Variants in ZNF462 observed in about 807,000 individuals in gnomAD.
The protein encoded by ZNF462 is zinc finger protein 462, also known as zinc finger PBX1-interacting protein.
In ZNF462, 10 loss-of-function variants were observed where a neutral mutation model predicts 201.9. The observed-to-expected ratio is 0.05, with a 90% CI of 0.03 to 0.08. ZNF462 has a LOEUF of 0.08. Ranked by LOEUF, ZNF462 falls within the 10% of genes least tolerant of loss-of-function variation. The pLI is 1.00. For synonymous variants in ZNF462, 1,227 were observed against 1,193.3 expected (o/e 1.03, Z -0.58); for missense variants, 2,523 against 3,168.3 (o/e 0.80, Z 4.89).
chr9:106,915,677 G>A (rs1829743046), intron 1 of ZNF462, among the ~76,000 whole-genome samples: 1 of 152,194 alleles, frequency 6.6e-6, no homozygotes, highest in African/African-American at 2.4e-5. Flanking sequence ...TCTGCTACAG[G>A]CAGAAGTCAA....
In ZNF462 at chr9:107,010,209, A is replaced by G. The variant is rs1025042794; in HGVS notation, c.7313+541A>G. 1.3e-5 allele frequency among the ~76,000 whole-genome samples: 2 copies of G among 152,124 alleles called. No homozygotes were observed. The highest frequency in any genetic ancestry group is 4.8e-5 in the African/African-American group (2 of 41,434). On this transcript the variant is annotated intron_variant, in intron 12 of 12. Coordinates refer to ENST00000277225, the MANE Select transcript of ZNF462 (RefSeq NM_021224.6). This position sits in a 1 kb window ranked among gnomAD's most constrained non-coding sequence, Gnocchi z 4.6. The stretch of plus-strand genomic sequence containing the variant: ...AGTCCACCAGATGCAGAGAGAACCT[A>G]GGATGTGGTCTTTTCAGGAGGAAAC...
In ZNF462 at chr9:106,972,659, C is replaced by T. The variant is rs1000672385; in HGVS notation, c.6695+387C>T. Among the ~76,000 whole-genome samples, 4 of 152,062 alleles carry T rather than the reference C, an allele frequency of 2.6e-5. No individual in the cohort carries two copies. The highest frequency in any genetic ancestry group is 2.1e-4 in the South Asian group (1 of 4,820). ...AAAGTCAAAGTCAAGAGAAAACATC[C>T]GGCAGTAGTGTCTTCCCTGCTCCCC... is the stretch of plus-strand genomic sequence containing the variant. On this transcript the variant is annotated intron_variant, in intron 8 of 12. Coordinates refer to ENST00000277225, the MANE Select transcript of ZNF462 (RefSeq NM_021224.6). This position sits in a 1 kb window ranked among gnomAD's most constrained non-coding sequence, Gnocchi z 4.8.
chr9:106,926,479 G>A lies in ZNF462; in HGVS notation c.2567G>A (p.Arg856Gln). The A allele has an allele frequency of 6.2e-7, 1 of 1,614,056 alleles. No homozygotes were observed. The highest frequency in any genetic ancestry group is 8.5e-7 in the Non-Finnish European group (1 of 1,180,014). ...KHCDFNNKSA[R>Q]SVSTHYQRMH... Reference sequence around the variant, plus strand: ...TGTGACTTTAACAACAAATCTGCCCGGAGTGTTAGCACCCACTACCAACGA... The same window carrying A: ...TGTGACTTTAACAACAAATCTGCCCAGAGTGTTAGCACCCACTACCAACGA... Residue 856 changes from arginine to glutamine, a missense_variant, in exon 3 of 13, where the codon CGG becomes CAG. Around this residue, in one of 15 missense-constraint regions of ZNF462, gnomAD observed 11 missense variants for 41.0 expected, o/e 0.27. Transcript: ENST00000277225. This position sits in a 1 kb window ranked among gnomAD's most constrained non-coding sequence, Gnocchi z 7.9.
At chr9:106,912,203 G>T (rs1588042740) in intron 1 of ZNF462, among the ~76,000 whole-genome samples, 1 of 152,136 alleles carries the variant, frequency 6.6e-6, no homozygotes, top group East Asian at 1.9e-4. Context: ...TGTTTCTCGT[G>T]GGGTAGATTT....
At chr9:106,969,687 T>C (rs1826490842) in intron 7 of ZNF462, among the ~76,000 whole-genome samples, 1 of 152,270 alleles carries the variant, frequency 6.6e-6, no homozygotes, top group Admixed American at 6.5e-5. Flanking sequence ...GGGATGTGCC[T>C]TGTTATGGAG....
chr9:106,994,730 A>G (rs904912264), intron 10 of ZNF462, among the ~76,000 whole-genome samples: 5 of 152,126 alleles, frequency 3.3e-5, no homozygotes, highest in Admixed American at 2.6e-4. Flanking sequence ...ACCGTTTTTC[A>G]GAGGGGTGTG....
Position 106,984,118 on chromosome 9 carries a change from C to T in ZNF462, c.6833-68C>T, listed in dbSNP as rs1006562457. Reference sequence around the variant, plus strand: ...GATTGGGTGAGTTTCTTCTTGTATTCCAAAGAAAGAACTTCTGTTTTGCCA... The same window carrying T: ...GATTGGGTGAGTTTCTTCTTGTATTTCAAAGAAAGAACTTCTGTTTTGCCA... On this transcript the variant is annotated intron_variant, in intron 9 of 12. Coordinates refer to ENST00000277225, the MANE Select transcript of ZNF462 (RefSeq NM_021224.6). This position sits in a 1 kb window ranked among gnomAD's most constrained non-coding sequence, Gnocchi z 6.4. 1.4e-6 allele frequency: 2 copies of T among 1,453,146 alleles called. No homozygotes were observed. Among genetic ancestry groups the T allele is most frequent in the Middle Eastern group, 1.8e-4 (1 of 5,634 alleles). 90.0% of individuals were successfully genotyped at this position (1,453,146 alleles called of 1,614,324 possible). A position where few individuals can be genotyped will look rare whatever the true frequency, so the allele number is the denominator to read the frequency against.
At chr9:106,992,463 C>T (rs1828362766) in intron 10 of ZNF462, among the ~76,000 whole-genome samples, 1 of 152,000 alleles carries the variant, frequency 6.6e-6, no homozygotes, top group South Asian at 2.1e-4. Flanking sequence ...CGTACACTTG[C>T]CATCTGACCT....
Position 107,009,645 on chromosome 9 carries a change from A to G in ZNF462, c.7290A>G (p.Glu2430=). The change falls in exon 12 of 13, where the codon GAA becomes GAG. Residue 2430 remains glutamate (E), a synonymous_variant. Coordinates refer to ENST00000277225, the MANE Select transcript of ZNF462 (RefSeq NM_021224.6). This position sits in a 1 kb window ranked among gnomAD's most constrained non-coding sequence, Gnocchi z 6.1. ...CGTTTTCACAGGGCTCTGAGTGGGA[A>G]AGACATGTGCTGAGACACGGCATGT... ...GRAFSQGSEW[E]RHVLRHGMAL... is the part of the protein sequence containing the mutation. 6.2e-7 allele frequency: 1 copy of G among 1,613,678 alleles called. No individual in the cohort carries two copies. The highest frequency in any genetic ancestry group is 8.5e-7 in the Non-Finnish European group (1 of 1,179,918).
chr9:106,955,048 G>C (rs886126092), intron 7 of ZNF462, among the ~76,000 whole-genome samples: 1 of 152,050 alleles, frequency 6.6e-6, no homozygotes, highest in East Asian at 1.9e-4. Flanking sequence ...TTCTGGCCAC[G>C]CTACTAACAA....
At chr9:106,868,446 G>C (rs1374677229) in intron 1 of ZNF462, among the ~76,000 whole-genome samples, 3 of 152,228 alleles carry the variant, frequency 2.0e-5, no homozygotes, top group Non-Finnish European at 2.9e-5. Flanking sequence ...GGAGTAGGGA[G>C]TGAAAACTGA....
rs748103445 is a variant in ZNF462, at chr9:106,895,457, C to G, written c.-30-27897C>G. Among the ~76,000 whole-genome samples the G allele has an allele frequency of 3.3e-5, 5 of 152,148 alleles. No homozygotes were observed. Among genetic ancestry groups the G allele is most frequent in the Non-Finnish European group, 7.4e-5 (5 of 68,022 alleles). Reference sequence around the variant, plus strand: ...TCAGCAGCTGCTTAGCAGCCTGTTTCCCACCATCCTCTTCACCTCTAGGAG... The same window carrying G: ...TCAGCAGCTGCTTAGCAGCCTGTTTGCCACCATCCTCTTCACCTCTAGGAG... On this transcript the variant is annotated intron_variant, in intron 1 of 12. Transcript: ENST00000277225. This position sits in a 1 kb window ranked among gnomAD's most constrained non-coding sequence, Gnocchi z 4.4.
At chr9:106,994,938 G>C (rs541055779) in intron 10 of ZNF462, among the ~76,000 whole-genome samples, 2 of 152,200 alleles carry the variant, frequency 1.3e-5, no homozygotes, top group Admixed American at 6.5e-5. Context: ...CTAGTGCCCA[G>C]CATACAGTAA....
intron 1 of ZNF462, among the ~76,000 whole-genome samples, chr9:106,899,916 T>A (rs540136279): frequency 6.6e-6 from 1 of 152,212 alleles, no homozygotes; most frequent in South Asian, 2.1e-4. Flanking sequence ...TCTTTAGTGG[T>A]GACGTGTGAC....
Position 106,865,147 on chromosome 9 carries a change from A to G in ZNF462, c.-31+1792A>G, listed in dbSNP as rs1827276318. On this transcript the variant is annotated intron_variant, in intron 1 of 12. Coordinates refer to ENST00000277225, the MANE Select transcript of ZNF462 (RefSeq NM_021224.6). This position sits in a 1 kb window ranked among gnomAD's most constrained non-coding sequence, Gnocchi z 4.1. ...AGGGTTCCTCAGATTTTTCTCCACC[A>G]AAGAGTGCTTTCACAAGTTATTGAG... Among the ~76,000 whole-genome samples, 2 of 152,132 alleles carry G rather than the reference A, an allele frequency of 1.3e-5. No homozygotes were observed. Among genetic ancestry groups the G allele is most frequent in the South Asian group, 4.1e-4 (2 of 4,826 alleles).
In ZNF462 at chr9:107,005,415, G is replaced by T. The variant is rs1768971791; in HGVS notation, c.7189+1989G>T. Among the ~76,000 whole-genome samples, 1 of 152,188 alleles carries T rather than the reference G, an allele frequency of 6.6e-6. No homozygotes were observed. The highest frequency in any genetic ancestry group is 1.5e-5 in the Non-Finnish European group (1 of 68,032). The stretch of plus-strand genomic sequence containing the variant: ...TTGATAATAGCCTCGTAACAGGTGT[G>T]AAGTGATAGCTCATTGTGGTTTAAT... On this transcript the variant is annotated intron_variant, in intron 11 of 12. Coordinates refer to ENST00000277225, the MANE Select transcript of ZNF462 (RefSeq NM_021224.6). The surrounding 1 kb of genome is among the most constrained non-coding windows in gnomAD (Gnocchi z 4.4).
chr9:106,876,452 T>G lies in ZNF462; in HGVS notation c.-31+13097T>G, dbSNP rs1430726165. On this transcript the variant is annotated intron_variant, in intron 1 of 12. Transcript: ENST00000277225. This position sits in a 1 kb window ranked among gnomAD's most constrained non-coding sequence, Gnocchi z 4.9. ...TAAAGTCAGCTTTTGGAATCCTGCT[T>G]GTTTAATTTTGTGCTGTGTGTCCCT... Among the ~76,000 whole-genome samples the G allele has an allele frequency of 1.3e-5, 2 of 152,198 alleles. No homozygotes were observed. The highest frequency in any genetic ancestry group is 2.9e-5 in the Non-Finnish European group (2 of 68,036).
rs972131322 is a variant in ZNF462, at chr9:106,901,216, C to T, written c.-30-22138C>T. ...TGTTTTTGTTTGCTTTGTTGAAGAT[C>T]AGTTGGCTGTAAGTATTTGGGATTA... On this transcript the variant is annotated intron_variant, in intron 1 of 12. Coordinates refer to ENST00000277225, the MANE Select transcript of ZNF462 (RefSeq NM_021224.6). Among the ~76,000 whole-genome samples the T allele has an allele frequency of 9.5e-4, 143 of 151,166 alleles. 2 individuals are homozygous for T. Among genetic ancestry groups the T allele is most frequent in the African/African-American group, 3.3e-3 (137 of 41,538 alleles).
In ZNF462 at chr9:106,932,247, T is replaced by G; in HGVS notation, c.6013-199T>G. On this transcript the variant is annotated intron_variant, in intron 4 of 12. Coordinates refer to ENST00000277225, the MANE Select transcript of ZNF462 (RefSeq NM_021224.6). This position sits in a 1 kb window ranked among gnomAD's most constrained non-coding sequence, Gnocchi z 6.8. ...ATTTTGTTGGTGGGGCATGTGTGTG[T>G]GTGTGGTTCTCTTAGCAGGAGGCGG... The G allele has an allele frequency of 6.5e-7, 1 of 1,550,202 alleles. No individual in the cohort carries two copies. Among genetic ancestry groups the G allele is most frequent in the Non-Finnish European group, 8.7e-7 (1 of 1,146,956 alleles).
Sources: allele counts gnomAD v4.1 joint callset (sites outside exome capture counted in the v4.1 genomes callset), GRCh38; gene constraint gnomAD v4.1.1; regional missense constraint gnomAD v4.1.1; non-coding constraint Gnocchi (gnomAD v3.1); transcripts MANE v1.5; gene names NCBI Gene and HGNC (gene_info 2026-07-23, HGNC 2026-07-21).